Variants in SPPL3 observed in about 807,000 individuals in gnomAD.
SPPL3 encodes signal peptide peptidase like 3.
SPPL3 carries 5 observed loss-of-function variants against 42.4 expected under a neutral mutation model. The ratio of observed to expected loss-of-function variants is 0.12; its 90% CI spans 0.06 to 0.25. The LOEUF is 0.25. SPPL3 is among the 10% of genes least tolerant of loss of function. The pLI, the probability that SPPL3 is intolerant of heterozygous loss-of-function variation, is 1.00. For missense variants in SPPL3, 235 were observed against 489.0 expected, an observed-to-expected ratio of 0.48 and a Z score of 4.90; for synonymous variants, 195 against 181.8, an observed-to-expected ratio of 1.07 and a Z score of -0.58.
intron 1 of SPPL3, among the ~76,000 whole-genome samples, chr12:120,865,829 G>A (rs919316487): frequency 3.9e-5 from 6 of 152,222 alleles, no homozygotes; most frequent in African/African-American, 1.4e-4. Context: ...ACTGTAGGAG[G>A]AGACAGGCAG....
intron 2 of SPPL3, among the ~76,000 whole-genome samples, chr12:120,799,825 C>A (rs1870228645): frequency 6.6e-6 from 1 of 152,088 alleles, no homozygotes; most frequent in Non-Finnish European, 1.5e-5. Flanking sequence ...GCTTAAAGGG[C>A]CTGGGCTTAG....
intron 1 of SPPL3, chr12:120,835,415 G>A (rs1592986902): frequency 1.3e-5 from 2 of 152,312 alleles, no homozygotes; most frequent in African/African-American, 4.8e-5. Flanking sequence ...AAGCTTGTTC[G>A]TTAGTCATAG....
chr12:120,875,589 A>G (rs1332700980), intron 1 of SPPL3, among the ~76,000 whole-genome samples: 1 of 151,328 alleles, frequency 6.6e-6, no homozygotes, highest in East Asian at 1.9e-4. Flanking sequence ...AGACTGTGCC[A>G]CTGCCCTCTA....
intron 1 of SPPL3, among the ~76,000 whole-genome samples, chr12:120,813,131 T>TC (rs991593521): frequency 6.4e-4 from 90 of 141,074 alleles, no homozygotes; most frequent in African/African-American, 2.4e-3. Flanking sequence ...AAAGATTATC[T>TC]TTTTTTTTTA....
chr12:120,839,947 G>A (rs1054525826), intron 1 of SPPL3, among the ~76,000 whole-genome samples: 2 of 152,052 alleles, frequency 1.3e-5, no homozygotes, highest in Non-Finnish European at 2.9e-5. Flanking sequence ...TAAACAAATT[G>A]TGCTATATCC....
chr12:120,837,011 G>C (rs1871643307), intron 1 of SPPL3, among the ~76,000 whole-genome samples: 1 of 152,050 alleles, frequency 6.6e-6, no homozygotes, highest in Non-Finnish European at 1.5e-5. Flanking sequence ...AACTGCATGT[G>C]AATCTATAAT....
Position 120,883,124 on chromosome 12 carries a change from G to A in SPPL3, c.23+20721C>T, listed in dbSNP as rs560652660. On this transcript the variant is annotated intron_variant, in intron 1 of 10. Coordinates refer to ENST00000353487, the MANE Select transcript of SPPL3 (RefSeq NM_139015.5). ...TCAAGACCATCCTGGCTAACACGGC[G>A]AAACCCCGTCTCTACTAAAAATACA... Among the ~76,000 whole-genome samples, 114 of 151,810 alleles carry A rather than the reference G, an allele frequency of 7.5e-4. 4 individuals carry two copies. Among genetic ancestry groups the A allele is most frequent in the African/African-American group, 2.6e-3 (109 of 41,376 alleles).
At chr12:120,823,582 C>T (rs144009423) in intron 1 of SPPL3, among the ~76,000 whole-genome samples, 2 of 152,322 alleles carry the variant, frequency 1.3e-5, no homozygotes, top group African/African-American at 4.8e-5. Flanking sequence ...TCCTTCTCCT[C>T]TGCCCATCAG....
chr12:120,845,790 A>T (rs1336950042), intron 1 of SPPL3: 2 of 190,960 alleles, frequency 1.0e-5, no homozygotes, highest in Non-Finnish European at 2.2e-5. Flanking sequence ...TCACCTTCTC[A>T]GACAGGCATT....
At chr12:120,881,392 C>G (rs1274624506) in intron 1 of SPPL3, among the ~76,000 whole-genome samples, 2 of 137,524 alleles carry the variant, frequency 1.5e-5, no homozygotes, top group Non-Finnish European at 3.0e-5. Context: ...TCACTTGAAC[C>G]AGGAGGCAGA....
intron 1 of SPPL3, among the ~76,000 whole-genome samples, chr12:120,882,192 T>C (rs1343617888): frequency 6.6e-6 from 1 of 152,068 alleles, no homozygotes; most frequent in Admixed American, 6.5e-5. Context: ...GATAACCATC[T>C]TGGTTATCAG....
chr12:120,804,178 G>T (rs183792488), intron 2 of SPPL3, among the ~76,000 whole-genome samples: 1 of 152,234 alleles, frequency 6.6e-6, no homozygotes, highest in Non-Finnish European at 1.5e-5. Flanking sequence ...TTACTCTTGA[G>T]TTATAATACA....
intron 1 of SPPL3, among the ~76,000 whole-genome samples, chr12:120,820,917 A>C (rs1871047870): frequency 6.6e-6 from 1 of 152,090 alleles, no homozygotes; most frequent in Admixed American, 6.5e-5. Flanking sequence ...ACATATGGAG[A>C]TCCCACCTCC....
intron 1 of SPPL3, among the ~76,000 whole-genome samples, chr12:120,892,358 T>A (rs996639598): frequency 6.6e-6 from 1 of 151,830 alleles, no homozygotes; most frequent in African/African-American, 2.4e-5. Flanking sequence ...CAGGAACAGA[T>A]AAAGAGCTGT....
chr12:120,791,102 G>GTCCCAA (rs1869900078), intron 3 of SPPL3, among the ~76,000 whole-genome samples: 1 of 152,210 alleles, frequency 6.6e-6, no homozygotes, highest in Non-Finnish European at 1.5e-5. Context: ...TTACAGGTGG[G>GTCCCAA]AGACACTGCG....
intron 3 of SPPL3, among the ~76,000 whole-genome samples, chr12:120,784,903 A>G (rs150652887): frequency 3.8e-4 from 58 of 152,236 alleles, no homozygotes; most frequent in Middle Eastern, 6.8e-3. Flanking sequence ...AAAAACCCAG[A>G]TTAGTCCATT....
intron 1 of SPPL3, among the ~76,000 whole-genome samples, chr12:120,825,925 A>G (rs1031345551): frequency 3.0e-5 from 4 of 131,482 alleles, no homozygotes; most frequent in African/African-American, 7.6e-5. Flanking sequence ...TTTTGAAAGA[A>G]GAACTAATGG....
At chr12:120,782,585 G>T in intron 6 of SPPL3, 70 bp downstream of exon 6, 1 of 1,201,726 alleles carries the variant, frequency 8.3e-7, no homozygotes, top group Non-Finnish European at 1.2e-6. Flanking sequence ...GTACAGCTCT[G>T]TGAATATCCT....
chr12:120,795,277 T>C (rs768241667), intron 2 of SPPL3, among the ~76,000 whole-genome samples: 4 of 152,206 alleles, frequency 2.6e-5, no homozygotes, highest in Admixed American at 1.3e-4. Context: ...CAACTGTAAA[T>C]AGAAAAAAAC....
Sources: gnomAD v4.1 joint callset for allele counts (sites outside exome capture counted in the v4.1 genomes callset) on GRCh38, gnomAD v4.1.1 for gene constraint, MANE v1.5 for transcripts, NCBI Gene and HGNC (gene_info 2026-07-23, HGNC 2026-07-21) for gene names.